Variants in ZNF385D observed in about 807,000 individuals in gnomAD.
The protein encoded by ZNF385D is zinc finger protein 659.
In ZNF385D, 15 loss-of-function variants were observed where a neutral mutation model predicts 35.8. The ratio of observed to expected loss-of-function variants is 0.42; its 90% confidence interval spans 0.28 to 0.64. The LOEUF is 0.64. ZNF385D is among the 30% of genes least tolerant of loss of function. ZNF385D has a pLI of 0.23. For synonymous variants in ZNF385D, 212 were observed against 186.8 expected (o/e 1.13, Z -1.10); for missense variants, 474 against 494.6 (o/e 0.96, Z 0.39).
intron 2 of ZNF385D, among the ~76,000 whole-genome samples, chr3:22,277,113 T>C (rs149848217): frequency 1.3e-5 from 2 of 152,186 alleles, no homozygotes; most frequent in African/African-American, 4.8e-5. Context: ...AGATTTAACT[T>C]TTTCCACACT....
At chr3:21,991,620 A>G (rs1695153806) in intron 3 of ZNF385D, among the ~76,000 whole-genome samples, 1 of 152,192 alleles carries the variant, frequency 6.6e-6, no homozygotes, top group African/African-American at 2.4e-5. Flanking sequence ...GACAGCTAAT[A>G]AGACAAAGAA....
chr3:21,956,600 T>C (rs145893679), intron 3 of ZNF385D, among the ~76,000 whole-genome samples: 1 of 152,060 alleles, frequency 6.6e-6, no homozygotes, highest in African/African-American at 2.4e-5. Flanking sequence ...AAACAATCTA[T>C]ATGTCAGAGG....
intron 3 of ZNF385D, among the ~76,000 whole-genome samples, chr3:22,087,881 T>A (rs1308467497): frequency 1.3e-5 from 2 of 152,174 alleles, no homozygotes; most frequent in Non-Finnish European, 2.9e-5. Context: ...GATAATAGTT[T>A]TGAACTATAT....
intron 3 of ZNF385D, among the ~76,000 whole-genome samples, chr3:22,099,180 T>C (rs1043841253): frequency 6.6e-6 from 1 of 152,070 alleles, no homozygotes; most frequent in Non-Finnish European, 1.5e-5. Context: ...AAAATGCTCA[T>C]AATGAAGTTT....
chr3:21,423,993 G>C lies in ZNF385D; in HGVS notation c.924C>G (p.Asn308Lys). Residue 308 changes from asparagine (N) to lysine (K), a missense_variant, in exon 7 of 8, where the codon AAC becomes AAG. Physicochemically the swap from Asn to Lys is moderately conservative, Grantham distance 94. Transcript: ENST00000281523. ...GTGGATGTGCTGTCTTCTGTAGTTT[G>C]TTGTAAGGACTGTATTTAGGTTTCG... ...KPPKPKYSPYNKLQKTAHPLG... is the reference protein window; with the variant it reads ...KPPKPKYSPYKKLQKTAHPLG... 2 of 1,609,820 alleles carry C rather than the reference G, an allele frequency of 1.2e-6. No individual in the cohort carries two copies. The highest frequency in any genetic ancestry group is 1.7e-6 in the Non-Finnish European group (2 of 1,178,668).
intron 3 of ZNF385D, among the ~76,000 whole-genome samples, chr3:21,906,140 T>TC (rs1699674019): frequency 6.6e-6 from 1 of 152,196 alleles, no homozygotes; most frequent in African/African-American, 2.4e-5. Flanking sequence ...TATCAGTGTT[T>TC]CCCCATGGAC....
chr3:21,582,614 G>T (rs190735906), intron 2 of ZNF385D, among the ~76,000 whole-genome samples: 14 of 152,146 alleles, frequency 9.2e-5, no homozygotes, highest in Admixed American at 7.9e-4. Context: ...GATAAAGGAA[G>T]GATAAAGTCA....
intron 3 of ZNF385D, among the ~76,000 whole-genome samples, chr3:21,853,706 T>C (rs1407193752): frequency 6.6e-6 from 1 of 151,812 alleles, no homozygotes; most frequent in South Asian, 2.1e-4. Context: ...TCTTGACATG[T>C]CATTTCATCA....
At chr3:22,009,030 G>C (rs574949450) in intron 3 of ZNF385D, among the ~76,000 whole-genome samples, 2 of 152,242 alleles carry the variant, frequency 1.3e-5, no homozygotes, top group South Asian at 2.1e-4. Context: ...AGTCATACAA[G>C]TCCTAGTGTT....
At chr3:22,135,463 G>A (rs1239673780) in intron 3 of ZNF385D, among the ~76,000 whole-genome samples, 1 of 152,102 alleles carries the variant, frequency 6.6e-6, no homozygotes, top group Non-Finnish European at 1.5e-5. Flanking sequence ...TCCAGGCACT[G>A]TATGTTACAT....
At chr3:21,745,003 C>T (rs1191569417) in intron 1 of ZNF385D, among the ~76,000 whole-genome samples, 1 of 152,186 alleles carries the variant, frequency 6.6e-6, no homozygotes, top group Non-Finnish European at 1.5e-5. Context: ...TGCTCTCCCA[C>T]ACCCATTCAG....
chr3:22,186,947 C>T (rs1216866922), intron 2 of ZNF385D, among the ~76,000 whole-genome samples: 1 of 152,024 alleles, frequency 6.6e-6, no homozygotes, highest in Non-Finnish European at 1.5e-5. Context: ...AAAGCACTGC[C>T]AATGAGGTAG....
intron 1 of ZNF385D, among the ~76,000 whole-genome samples, chr3:21,671,548 C>T (rs2066575686): frequency 6.6e-6 from 1 of 152,046 alleles, no homozygotes; most frequent in Non-Finnish European, 1.5e-5. Context: ...AATCAAAAGC[C>T]AAGCTTCTAG....
intron 3 of ZNF385D, among the ~76,000 whole-genome samples, chr3:21,778,230 T>G (rs2071362750): frequency 6.6e-6 from 1 of 151,920 alleles, no homozygotes; most frequent in Non-Finnish European, 1.5e-5. Context: ...GTTTACCACT[T>G]CTGAGACGTG....
intron 3 of ZNF385D, among the ~76,000 whole-genome samples, chr3:22,120,130 G>C (rs199866352): frequency 1.6e-4 from 25 of 151,542 alleles, no homozygotes; most frequent in Non-Finnish European, 2.7e-4. Flanking sequence ...ATGTCCTGCT[G>C]CATTTTTTTT....
At chr3:22,177,076 G>C (rs1694881519) in intron 2 of ZNF385D, among the ~76,000 whole-genome samples, 2 of 152,066 alleles carry the variant, frequency 1.3e-5, no homozygotes, top group Admixed American at 1.3e-4. Context: ...TCTTGAATCA[G>C]TCATGCCATC....
chr3:21,420,206 A>T lies in ZNF385D; in HGVS notation c.*1008T>A, dbSNP rs959124791. Reference sequence around the variant, plus strand: ...CCTAAGAAACAACCCTACTGGTATGATATAAAGGGGATACTGCAGAGATGC... The same window carrying T: ...CCTAAGAAACAACCCTACTGGTATGTTATAAAGGGGATACTGCAGAGATGC... On this transcript the variant is annotated 3_prime_UTR_variant, in exon 8 of 8. Transcript: ENST00000281523. The T allele has an allele frequency of 1.3e-5, 2 of 152,222 alleles. No individual in the cohort carries two copies. The highest frequency in any genetic ancestry group is 1.3e-4 in the Admixed American group (2 of 15,282). The allele number at this position is 152,222 out of a possible 1,614,324, so 9.4% of individuals were successfully genotyped here. A position where few individuals can be genotyped will look rare whatever the true frequency, so the allele number is the denominator to read the frequency against.
At chr3:22,173,943 C>T (rs1011520529) in intron 2 of ZNF385D, among the ~76,000 whole-genome samples, 4 of 152,070 alleles carry the variant, frequency 2.6e-5, no homozygotes, top group African/African-American at 9.7e-5. Flanking sequence ...TACCAACCCA[C>T]TAACAAAAAA....
chr3:21,718,826 A>T (rs1355590337), intron 1 of ZNF385D, among the ~76,000 whole-genome samples: 1 of 152,272 alleles, frequency 6.6e-6, no homozygotes, highest in East Asian at 1.9e-4. Flanking sequence ...ATCAATTTTT[A>T]AAATGATTAG....
Sources: gnomAD v4.1 joint callset for allele counts (sites outside exome capture counted in the v4.1 genomes callset) on GRCh38, gnomAD v4.1.1 for gene constraint, MANE v1.5 for transcripts, NCBI Gene and HGNC (gene_info 2026-07-23, HGNC 2026-07-21) for gene names.